ABTB3: variants seen among roughly 807,000 people sequenced by gnomAD.
The protein encoded by ABTB3 is ankyrin repeat- and BTB/POZ domain-containing protein 3.
At chr12:107,344,842 G>A in the ABTB3 span, among the ~76,000 whole-genome samples, 3 of 152,148 alleles carry the variant, frequency 2.0e-5, no homozygotes, top group Non-Finnish European at 4.4e-5. Flanking sequence ...ATTTCTGTAG[G>A]TTTTAATATA....
At chr12:107,637,917 C>A in the ABTB3 span, among the ~76,000 whole-genome samples, 1 of 151,208 alleles carries the variant, frequency 6.6e-6, no homozygotes, top group African/African-American at 2.4e-5. Context: ...GTCTGGGAAG[C>A]AGGAATGGGG....
the ABTB3 span, among the ~76,000 whole-genome samples, chr12:107,633,151 C>A: frequency 3.3e-5 from 5 of 152,168 alleles, no homozygotes; most frequent in East Asian, 9.6e-4. Context: ...GAAGTCCTAA[C>A]CCCCAAGGTG....
the ABTB3 span, among the ~76,000 whole-genome samples, chr12:107,368,943 T>A: frequency 6.1e-4 from 93 of 152,318 alleles, no homozygotes; most frequent in South Asian, 8.3e-4. Context: ...GCATTTCCTT[T>A]CTTTTCTCAT....
At chr12:107,350,378 G>A in the ABTB3 span, among the ~76,000 whole-genome samples, 2 of 151,762 alleles carry the variant, frequency 1.3e-5, no homozygotes, top group Non-Finnish European at 2.9e-5. Flanking sequence ...GTGAAACCCC[G>A]TCTCTACTAA....
the ABTB3 span, among the ~76,000 whole-genome samples, chr12:107,546,116 T>G: frequency 5.3e-5 from 8 of 152,350 alleles, no homozygotes; most frequent in East Asian, 1.3e-3. Context: ...TGTATTTCTG[T>G]GTTTATTTAT....
chr12:107,384,068 T>C, the ABTB3 span, among the ~76,000 whole-genome samples: 3 of 151,988 alleles, frequency 2.0e-5, no homozygotes, highest in Non-Finnish European at 4.4e-5. Flanking sequence ...ACACCTGCAG[T>C]CTCTATGGGA....
chr12:107,516,155 A>C, the ABTB3 span, among the ~76,000 whole-genome samples: 1 of 152,136 alleles, frequency 6.6e-6, no homozygotes, highest in Non-Finnish European at 1.5e-5. Flanking sequence ...TCTTAGAAGA[A>C]AATCCATTGA....
chr12:107,432,730 A>C, the ABTB3 span, among the ~76,000 whole-genome samples: 1 of 152,208 alleles, frequency 6.6e-6, no homozygotes, highest in East Asian at 1.9e-4. Flanking sequence ...ACTATGGGGA[A>C]GTTGCTAAAA....
the ABTB3 span, among the ~76,000 whole-genome samples, chr12:107,367,466 T>G: frequency 6.6e-6 from 1 of 151,898 alleles, no homozygotes; most frequent in African/African-American, 2.4e-5. Flanking sequence ...ATGCAAGGGC[T>G]CTCTCTCTCA....
At chr12:107,323,695 C>A in the ABTB3 span, among the ~76,000 whole-genome samples, 1 of 152,170 alleles carries the variant, frequency 6.6e-6, no homozygotes. Context: ...CTGGCCAGTT[C>A]CTACTCATCC....
chr12:107,463,110 G>A, the ABTB3 span, among the ~76,000 whole-genome samples: 1 of 151,848 alleles, frequency 6.6e-6, no homozygotes, highest in Admixed American at 6.6e-5. Context: ...GATGGTGATA[G>A]TGATGATGGT....
At chr12:107,564,862 C>T in the ABTB3 span, among the ~76,000 whole-genome samples, 1 of 152,192 alleles carries the variant, frequency 6.6e-6, no homozygotes, top group Non-Finnish European at 1.5e-5. Context: ...TTCTGTTTAG[C>T]CCATTGCACA....
At chr12:107,637,699 CA>C in the ABTB3 span, among the ~76,000 whole-genome samples, 1 of 151,822 alleles carries the variant, frequency 6.6e-6, no homozygotes, top group African/African-American at 2.4e-5. Context: ...TCTGTGGGAC[CA>C]GGCAGGTGAT....
chr12:107,561,635 G>C, the ABTB3 span, among the ~76,000 whole-genome samples: 2 of 152,124 alleles, frequency 1.3e-5, no homozygotes, highest in African/African-American at 4.8e-5. Flanking sequence ...TTAAATCCTT[G>C]TGTCCTCCAT....
the ABTB3 span, among the ~76,000 whole-genome samples, chr12:107,339,961 TG>T: frequency 6.6e-6 from 1 of 152,172 alleles, no homozygotes; most frequent in Non-Finnish European, 1.5e-5. Flanking sequence ...GAATGGTTTT[TG>T]CTGTGTTGAT....
the ABTB3 span, among the ~76,000 whole-genome samples, chr12:107,519,302 T>TTTTTC: frequency 6.6e-6 from 1 of 150,464 alleles, no homozygotes; most frequent in Non-Finnish European, 1.5e-5. Flanking sequence ...ATGTTTTTCT[T>TTTTTC]TTTTCTTTTC....
chr12:107,332,391 T>C, the ABTB3 span, among the ~76,000 whole-genome samples: 2 of 152,320 alleles, frequency 1.3e-5, no homozygotes, highest in Middle Eastern at 3.4e-3. Context: ...GAGGCAGATA[T>C]GGTTATCATC....
the ABTB3 span, among the ~76,000 whole-genome samples, chr12:107,508,615 C>T: frequency 9.9e-5 from 15 of 151,536 alleles, no homozygotes; most frequent in African/African-American, 3.4e-4. Context: ...CCACCATGCC[C>T]GGCCAATTTT....
the ABTB3 span, among the ~76,000 whole-genome samples, chr12:107,535,758 G>T: frequency 3.9e-4 from 60 of 152,070 alleles, no homozygotes; most frequent in African/African-American, 1.4e-3. Context: ...TGAAAGAATT[G>T]AACACAGAAA....
Sources: allele counts gnomAD v4.1 joint callset (sites outside exome capture counted in the v4.1 genomes callset), GRCh38; gene constraint gnomAD v4.1.1; transcripts MANE v1.5; gene names NCBI Gene and HGNC (gene_info 2026-07-23, HGNC 2026-07-21).